The following RGS21 variants were observed in gnomAD, a reference collection of about 807,000 sequenced individuals.
The protein encoded by RGS21 is regulator of G-protein signalling 21.
RGS21 carries 19 observed loss-of-function variants against 18.7 expected under a neutral mutation model. The observed-to-expected ratio is 1.01, with a 90% CI of 0.71 to 1.49. The LOEUF is 1.49. Among genes scored for constraint, RGS21 ranks in the 40% most tolerant of loss-of-function variants. The pLI, the probability that RGS21 is intolerant of heterozygous loss-of-function variation, is 0.00. For missense variants in RGS21, 194 were observed against 176.8 expected, an observed-to-expected ratio of 1.10 and a Z score of -0.55; for synonymous variants, 56 against 57.8, an observed-to-expected ratio of 0.97 and a Z score of 0.14.
intron 1 of RGS21, among the ~76,000 whole-genome samples, chr1:192,334,272 A>T (rs879329601): frequency 2.0e-5 from 3 of 152,156 alleles, no homozygotes; most frequent in Non-Finnish European, 4.4e-5. Context: ...TGAGTAAAAA[A>T]TCTTAATGCT....
intron 4 of RGS21, among the ~76,000 whole-genome samples, chr1:192,355,865 T>C (rs1052150491): frequency 1.3e-5 from 2 of 151,394 alleles, no homozygotes; most frequent in Non-Finnish European, 3.0e-5. Flanking sequence ...AAGAAAGTCA[T>C]AGAGGATGAA....
At chr1:192,321,138 A>C (rs918844938) in intron 1 of RGS21, among the ~76,000 whole-genome samples, 16 of 151,962 alleles carry the variant, frequency 1.1e-4, no homozygotes, top group Non-Finnish European at 2.2e-4. Context: ...AAAAGCTATT[A>C]ATAAAATTAA....
At chr1:192,355,546 A>T (rs1659098546) in intron 4 of RGS21, among the ~76,000 whole-genome samples, 1 of 151,554 alleles carries the variant, frequency 6.6e-6, no homozygotes, top group Non-Finnish European at 1.5e-5. Context: ...AGAAAAAAAA[A>T]ATCATGACCC....
At position 192,328,776 on chromosome 1, in the gene RGS21, A is replaced by G. The variant is rs577164428; in HGVS notation, c.-61+11671A>G. 2.6e-5 allele frequency among the ~76,000 whole-genome samples: 4 copies of G among 152,252 alleles called. No individual in the cohort carries two copies. In the South Asian group the frequency reaches 8.3e-4, roughly 32 times the overall value. On this transcript the variant is annotated intron_variant, in intron 1 of 4. Transcript: ENST00000417209. ...ACACTAGGATGTTCGTCACAGTAATACAATAGTGGATAAGGAGAAATAACC... is the reference window on the plus strand; with the variant it reads ...ACACTAGGATGTTCGTCACAGTAATGCAATAGTGGATAAGGAGAAATAACC...
In RGS21 at chr1:192,318,349, A is replaced by C. The variant is rs1658448125; in HGVS notation, c.-61+1244A>C. Among the ~76,000 whole-genome samples, 3 of 152,200 alleles carry C rather than the reference A, an allele frequency of 2.0e-5. 1 individual carries two copies. The South Asian group carries it at 6.2e-4, about 32-fold the overall frequency. On this transcript the variant is annotated intron_variant, in intron 1 of 4. Transcript: ENST00000417209. Reference sequence around the variant, plus strand: ...CCTCTGTGCAATTGGGAAAGAAGTAAAGCAATCTCCTCTGGTTTGATTTGA... The same window carrying C: ...CCTCTGTGCAATTGGGAAAGAAGTACAGCAATCTCCTCTGGTTTGATTTGA...
intron 1 of RGS21, among the ~76,000 whole-genome samples, chr1:192,333,027 T>C (rs1007133237): frequency 6.6e-6 from 1 of 151,920 alleles, no homozygotes; most frequent in South Asian, 2.1e-4. Context: ...AGGCATTTCA[T>C]TGAAGAGAAC....
rs762001008 is a variant in RGS21, at chr1:192,365,994, A to G, written c.329A>G (p.Glu110Gly). The G allele has an allele frequency of 6.2e-7, 1 of 1,609,420 alleles. No homozygotes were observed. The highest frequency in any genetic ancestry group is 8.5e-7 in the Non-Finnish European group (1 of 1,176,138). Residue 110 changes from glutamate to glycine, a missense_variant, in exon 5 of 5, where the codon GAG becomes GGG. By Grantham distance (98) the Glu-to-Gly change is moderately conservative (BLOSUM62 -2). Transcript: ENST00000417209. Reference sequence around the variant, plus strand: ...GAACCAACACTCAAATGCTTTGATGAGGCTCAGAAATTAATCTATTGTCTC... The same window carrying G: ...GAACCAACACTCAAATGCTTTGATGGGGCTCAGAAATTAATCTATTGTCTC... ...IAEPTLKCFD[E>G]AQKLIYCLMA...
At chr1:192,348,856 G>C (rs938841775) in intron 3 of RGS21, among the ~76,000 whole-genome samples, 1 of 151,958 alleles carries the variant, frequency 6.6e-6, no homozygotes, top group African/African-American at 2.4e-5. Context: ...AAACACAATA[G>C]AGCTGAATTC....
intron 4 of RGS21, among the ~76,000 whole-genome samples, chr1:192,353,227 C>T (rs1659069147): frequency 6.6e-6 from 1 of 151,968 alleles, no homozygotes; most frequent in African/African-American, 2.4e-5. Context: ...AAGTTAGTTA[C>T]CATATTACTA....
intron 3 of RGS21, among the ~76,000 whole-genome samples, chr1:192,348,001 TAC>T (rs1658979711): frequency 7.3e-6 from 1 of 136,066 alleles, no homozygotes; most frequent in South Asian, 2.2e-4. Context: ...TATACACACA[TAC>T]ACATACATAT....
chr1:192,333,376 C>A (rs1305007497), intron 1 of RGS21, among the ~76,000 whole-genome samples: 1 of 151,674 alleles, frequency 6.6e-6, no homozygotes, highest in Admixed American at 6.6e-5. Flanking sequence ...TATACAAACA[C>A]CTACACTATT....
intron 1 of RGS21, among the ~76,000 whole-genome samples, chr1:192,327,941 G>A (rs925374754): frequency 6.6e-6 from 1 of 152,096 alleles, no homozygotes; most frequent in Non-Finnish European, 1.5e-5. Context: ...CTGACATATA[G>A]CAACTGAAGA....
Position 192,366,119 on chromosome 1 carries a change from T to C in RGS21, c.454T>C (p.Leu152=), listed in dbSNP as rs1305816533. The C allele has an allele frequency of 6.3e-7, 1 of 1,580,244 alleles. No homozygotes were observed. The highest frequency in any genetic ancestry group is 1.1e-5 in the South Asian group (1 of 89,630). ...VPNHKKWLPF[L] ...AAATCATAAAAAATGGCTCCCTTTTTTGTGAGGAAGGTAAAAGTTAACTAA... is the reference window on the plus strand; with the variant it reads ...AAATCATAAAAAATGGCTCCCTTTTCTGTGAGGAAGGTAAAAGTTAACTAA... The change falls in exon 5 of 5, where the codon TTG becomes CTG. Residue 152 remains leucine, a synonymous_variant. Transcript: ENST00000417209.
At chr1:192,365,152 G>T in intron 4 of RGS21, among the ~76,000 whole-genome samples, 1 of 149,768 alleles carries the variant, frequency 6.7e-6, no homozygotes, top group Non-Finnish European at 1.5e-5. Context: ...AAAAAAAAAA[G>T]CTCTTTGAAC....
chr1:192,343,241 ACT>A (rs1034571996), intron 2 of RGS21, among the ~76,000 whole-genome samples, 194 bp downstream of exon 2: 10 of 152,000 alleles, frequency 6.6e-5, no homozygotes, highest in African/African-American at 2.2e-4. Context: ...TTACTTTTGC[ACT>A]TTATTCTTCA....
At chr1:192,360,379 T>TA (rs1197700228) in intron 4 of RGS21, among the ~76,000 whole-genome samples, 1 of 152,108 alleles carries the variant, frequency 6.6e-6, no homozygotes, top group Non-Finnish European at 1.5e-5. Flanking sequence ...CAGCTATTCT[T>TA]AAAAAGATGT....
chr1:192,366,032 T>C lies in RGS21; in HGVS notation c.367T>C (p.Ser123Pro), dbSNP rs750688754. 7 of 1,611,098 alleles carry C rather than the reference T, an allele frequency of 4.3e-6. No homozygotes were observed. The highest frequency in any genetic ancestry group is 5.1e-6 in the Non-Finnish European group (6 of 1,177,726). Reference protein sequence around the residue: ...KLIYCLMAKDSFPRFLKSEIY... With the variant: ...KLIYCLMAKDPFPRFLKSEIY... ...AATCTATTGTCTCATGGCCAAGGATTCTTTCCCTCGATTTCTGAAGTCAGA... is the reference window on the plus strand; with the variant it reads ...AATCTATTGTCTCATGGCCAAGGATCCTTTCCCTCGATTTCTGAAGTCAGA... Residue 123 changes from serine (S) to proline (P), a missense_variant, in exon 5 of 5, where the codon TCT (serine) becomes CCT (proline). Transcript: ENST00000417209.
intron 1 of RGS21, among the ~76,000 whole-genome samples, chr1:192,324,610 C>T (rs984103950): frequency 8.4e-5 from 11 of 130,210 alleles, no homozygotes; most frequent in Admixed American, 1.4e-4. Flanking sequence ...TATGTGTGTG[C>T]GTGCACACAC....
At chr1:192,342,823 ATTAC>A (rs1295375310) in intron 1 of RGS21, among the ~76,000 whole-genome samples, 150 bp from the exon 2 acceptor site, 1 of 152,086 alleles carries the variant, frequency 6.6e-6, no homozygotes. Context: ...AGAGTTATTT[ATTAC>A]TTAGAAGTTT....
Sources: allele counts gnomAD v4.1 joint callset (sites outside exome capture counted in the v4.1 genomes callset), GRCh38; gene constraint gnomAD v4.1.1; transcripts MANE v1.5; gene names NCBI Gene and HGNC (gene_info 2026-07-23, HGNC 2026-07-21).